The following CLCN4 variants were observed in gnomAD, a reference collection of about 807,000 sequenced individuals.
CLCN4 encodes Cl-/H+ antiporter 4.
In CLCN4, 1 loss-of-function variant was observed where a neutral mutation model predicts 41.7. The ratio of observed to expected loss-of-function variants is 0.02; its 90% CI spans 0.01 to 0.11. The LOEUF (loss-of-function observed/expected upper bound fraction) is 0.11, where lower values mean the gene tolerates loss of function less well. CLCN4 is among the 10% of genes least tolerant of loss of function. The probability of loss-of-function intolerance (pLI) is 1.00; values close to 1 mark genes in which losing one functional copy is unlikely to be tolerated. For synonymous variants in CLCN4, 277 were observed against 285.8 expected (o/e 0.97, Z 0.31); for missense variants, 287 against 661.0 (o/e 0.43, Z 6.20).
chrX:10,233,127 G>A (rs73197853), intron 12 of CLCN4, among the ~76,000 whole-genome samples: 20,625 of 111,264 alleles, frequency 0.19, 1,490 homozygotes, highest in African/African-American at 0.25. Flanking sequence ...GTGGCCTAAT[G>A]CAATAAAGGT....
At chrX:10,212,702 T>G (rs1355054161) in intron 10 of CLCN4, 49 bp downstream of exon 10, 2 of 1,079,316 alleles carry the variant, frequency 1.9e-6, no homozygotes, top group African/African-American at 3.7e-5. Context: ...CTAATCTGGC[T>G]TAGAGGACTG....
At chrX:10,220,429 C>T (rs1043872837) in intron 11 of CLCN4, among the ~76,000 whole-genome samples, 3 of 111,797 alleles carry the variant, frequency 2.7e-5, no homozygotes, top group African/African-American at 9.8e-5. Context: ...CCCATCTTGC[C>T]AGACTTTGGC....
chrX:10,164,148 G>A (rs768515141), intron 2 of CLCN4, among the ~76,000 whole-genome samples: 3 of 112,177 alleles, frequency 2.7e-5, no homozygotes, highest in South Asian at 3.7e-4. Flanking sequence ...GGTCAGGGAG[G>A]GCAAGAAGGC....
intron 2 of CLCN4, among the ~76,000 whole-genome samples, chrX:10,170,051 G>C (rs948402331): frequency 9.9e-5 from 11 of 111,478 alleles, no homozygotes; most frequent in South Asian, 7.4e-4. Flanking sequence ...GCCTCCCAAA[G>C]TGCTGGGATT....
chrX:10,228,495 G>A (rs934687134), intron 12 of CLCN4, among the ~76,000 whole-genome samples: 3 of 110,886 alleles, frequency 2.7e-5, no homozygotes, highest in East Asian at 2.8e-4. Flanking sequence ...AGACCTGGGC[G>A]TGATGGGAAG....
Position 10,200,269 on chromosome X carries a change from C to T in CLCN4, c.555+2208C>T, listed in dbSNP as rs183042549. Among the ~76,000 whole-genome samples the T allele has an allele frequency of 1.1e-4, 12 of 112,417 alleles. No homozygotes were observed. The East Asian group carries it at 2.2e-3, about 21-fold the overall frequency. Reference sequence around the variant, plus strand: ...AAATCCTGGGCTCAAGCAATCCTCCCGCCTTGGCCTCCCAAAGTGCTAGGA... The same window carrying T: ...AAATCCTGGGCTCAAGCAATCCTCCTGCCTTGGCCTCCCAAAGTGCTAGGA... On this transcript the variant is annotated intron_variant, in intron 6 of 12. Transcript: ENST00000380833.
At chrX:10,194,769 T>C in intron 4 of CLCN4, 142 bp from the exon 5 acceptor site, 1 of 520,881 alleles carries the variant, frequency 1.9e-6, no homozygotes, top group Admixed American at 3.1e-5. Flanking sequence ...CCTATGTAAG[T>C]GACAGCCCCA....
chrX:10,197,788 A>G, intron 5 of CLCN4, 151 bp from the exon 6 acceptor site: 1 of 583,600 alleles, frequency 1.7e-6, no homozygotes. Context: ...TGATAAACCT[A>G]CGCTGGCCTT....
At chrX:10,187,787 A>T (rs752240548) in intron 4 of CLCN4, among the ~76,000 whole-genome samples, 173 bp downstream of exon 4, 22 of 112,874 alleles carry the variant, frequency 1.9e-4, no homozygotes, top group Non-Finnish European at 3.7e-4. Context: ...TGTATATTTA[A>T]CCTAAAATCC....
chrX:10,226,982 G>A (rs999458231), intron 12 of CLCN4, among the ~76,000 whole-genome samples: 8 of 110,541 alleles, frequency 7.2e-5, no homozygotes, highest in Non-Finnish European at 1.5e-4. Context: ...AGAGGAACTG[G>A]TACCATTTCT....
At chrX:10,160,660 C>T (rs749458458) in intron 2 of CLCN4, among the ~76,000 whole-genome samples, 4 of 111,465 alleles carry the variant, frequency 3.6e-5, no homozygotes, top group South Asian at 7.4e-4. Flanking sequence ...GTGGTGAGGA[C>T]GAGAGGGTGG....
intron 6 of CLCN4, among the ~76,000 whole-genome samples, chrX:10,204,047 A>C (rs1924307876): frequency 8.9e-6 from 1 of 111,789 alleles, no homozygotes; most frequent in African/African-American, 3.3e-5. Flanking sequence ...CATTCAGTCC[A>C]TTTCAGCCAA....
chrX:10,212,834 T>G (rs1924597805), intron 10 of CLCN4, among the ~76,000 whole-genome samples, 181 bp downstream of exon 10: 1 of 55,904 alleles, frequency 1.8e-5, no homozygotes, highest in South Asian at 1.6e-3. Flanking sequence ...TCTCGCTCAC[T>G]ATGCAGACAC....
chrX:10,219,194 A>G (rs1485541318), intron 11 of CLCN4, among the ~76,000 whole-genome samples: 1 of 112,320 alleles, frequency 8.9e-6, no homozygotes, highest in African/African-American at 3.2e-5. Flanking sequence ...TGGTTTTAGA[A>G]GGGGTTCAGC....
chrX:10,216,359 A>G (rs1924704798), intron 11 of CLCN4, among the ~76,000 whole-genome samples: 1 of 111,716 alleles, frequency 9.0e-6, no homozygotes, highest in Non-Finnish European at 1.9e-5. Flanking sequence ...CTTCACCATC[A>G]CATACTAGCA....
intron 12 of CLCN4, among the ~76,000 whole-genome samples, chrX:10,231,778 A>G (rs1431621492): frequency 9.0e-6 from 1 of 111,699 alleles, no homozygotes; most frequent in Non-Finnish European, 1.9e-5. Context: ...CTCCATTGTA[A>G]AGTGACATTT....
At chrX:10,196,080 A>T (rs1360285139) in intron 5 of CLCN4, among the ~76,000 whole-genome samples, 1 of 112,150 alleles carries the variant, frequency 8.9e-6, no homozygotes, top group Non-Finnish European at 1.9e-5. Context: ...GTACCATTTT[A>T]CATTCCCACC....
intron 11 of CLCN4, among the ~76,000 whole-genome samples, chrX:10,215,212 A>G (rs1333291096): frequency 8.9e-6 from 1 of 112,158 alleles, no homozygotes; most frequent in Non-Finnish European, 1.9e-5. Context: ...CATCTCCACC[A>G]GGCAACTGCT....
intron 11 of CLCN4, among the ~76,000 whole-genome samples, chrX:10,214,561 A>T (rs1413230195): frequency 8.9e-6 from 1 of 112,315 alleles, no homozygotes; most frequent in Non-Finnish European, 1.9e-5. Flanking sequence ...TGCCCCAGAC[A>T]CCCCTTGCCA....
Sources: gnomAD v4.1 joint callset for allele counts (sites outside exome capture counted in the v4.1 genomes callset) on GRCh38, gnomAD v4.1.1 for gene constraint, MANE v1.5 for transcripts, NCBI Gene and HGNC (gene_info 2026-07-23, HGNC 2026-07-21) for gene names.